The following SAMD4A variants were observed in gnomAD, a reference collection of about 807,000 sequenced individuals.
SAMD4A encodes sterile alpha motif domain containing 4A.
A neutral mutation model predicts 81.3 loss-of-function variants in SAMD4A; 33 were observed. The ratio of observed to expected loss-of-function variants is 0.41; its 90% CI spans 0.31 to 0.54. The LOEUF (loss-of-function observed/expected upper bound fraction) is 0.54. SAMD4A is among the 20% of genes least tolerant of loss of function. The pLI, the probability that SAMD4A is intolerant of heterozygous loss-of-function variation, is 0.37. For missense variants in SAMD4A, 854 were observed against 951.1 expected, an observed-to-expected ratio of 0.90 and a Z score of 1.34; for synonymous variants, 389 against 382.1, an observed-to-expected ratio of 1.02 and a Z score of -0.21.
intron 3 of SAMD4A, among the ~76,000 whole-genome samples, chr14:54,727,372 T>C (rs2037451144): frequency 6.6e-6 from 1 of 151,790 alleles, no homozygotes. Flanking sequence ...GTATTTTTAG[T>C]AGAGACAGGG....
At chr14:54,640,175 T>A (rs1272662653) in intron 2 of SAMD4A, among the ~76,000 whole-genome samples, 1 of 152,156 alleles carries the variant, frequency 6.6e-6, no homozygotes, top group East Asian at 1.9e-4. Context: ...GCCTTTACTC[T>A]TTCCCCAGAA....
intron 6 of SAMD4A, chr14:54,754,787 A>T: frequency 3.0e-6 from 3 of 984,314 alleles, no homozygotes; most frequent in Non-Finnish European, 3.6e-6. Context: ...GTTAGTTCAT[A>T]ATCAGTGGTG....
At chr14:54,656,044 T>C (rs145096866) in intron 2 of SAMD4A, among the ~76,000 whole-genome samples, 158 of 152,322 alleles carry the variant, frequency 1.0e-3, no homozygotes, top group Non-Finnish European at 2.9e-4. Flanking sequence ...AATATTAACA[T>C]GTAATGTTAA....
intron 2 of SAMD4A, among the ~76,000 whole-genome samples, chr14:54,696,676 C>T (rs2036585888): frequency 1.3e-5 from 2 of 152,224 alleles, no homozygotes; most frequent in Non-Finnish European, 2.9e-5. Flanking sequence ...CTCTTTGTCA[C>T]TCCAAAAATC....
chr14:54,666,822 T>C (rs1214121723), intron 2 of SAMD4A, among the ~76,000 whole-genome samples: 1 of 152,042 alleles, frequency 6.6e-6, no homozygotes, highest in Non-Finnish European at 1.5e-5. Flanking sequence ...TACCCCCAAA[T>C]GTTGGAGGAA....
At chr14:54,625,160 CAGG>C (rs563011653) in intron 2 of SAMD4A, among the ~76,000 whole-genome samples, 120 of 152,218 alleles carry the variant, frequency 7.9e-4, no homozygotes, top group Non-Finnish European at 1.6e-3. Flanking sequence ...AAAAGGTTTT[CAGG>C]AGATTAGGCA....
intron 2 of SAMD4A, among the ~76,000 whole-genome samples, chr14:54,663,367 G>C (rs2035685785): frequency 2.0e-5 from 3 of 152,172 alleles, no homozygotes; most frequent in Admixed American, 6.5e-5. Context: ...GCGGTCTAAA[G>C]TACTGAACCA....
At chr14:54,608,730 T>C (rs575136323) in intron 2 of SAMD4A, among the ~76,000 whole-genome samples, 34 of 152,338 alleles carry the variant, frequency 2.2e-4, no homozygotes, top group African/African-American at 7.7e-4. Flanking sequence ...AACTGTGTAT[T>C]TTTAGTGGAA....
At chr14:54,604,235 A>T (rs2034138867) in intron 2 of SAMD4A, among the ~76,000 whole-genome samples, 1 of 152,216 alleles carries the variant, frequency 6.6e-6, no homozygotes, top group African/African-American at 2.4e-5. Flanking sequence ...TGGTGTTTCA[A>T]GGTGCTGGAA....
intron 2 of SAMD4A, among the ~76,000 whole-genome samples, chr14:54,615,715 A>G (rs1429760221): frequency 6.6e-6 from 1 of 152,322 alleles, no homozygotes; most frequent in East Asian, 1.9e-4. Flanking sequence ...CATTTACTCA[A>G]TGTTCTCTAT....
At chr14:54,669,437 G>C (rs1046078266) in intron 2 of SAMD4A, among the ~76,000 whole-genome samples, 2 of 141,562 alleles carry the variant, frequency 1.4e-5, no homozygotes, top group Non-Finnish European at 3.0e-5. Flanking sequence ...TAGAAGCAAC[G>C]CTTCTTTCTT....
intron 2 of SAMD4A, among the ~76,000 whole-genome samples, chr14:54,643,026 G>T (rs1357246090): frequency 6.6e-6 from 1 of 152,190 alleles, no homozygotes; most frequent in African/African-American, 2.4e-5. Flanking sequence ...ATTCAGCTCC[G>T]TCTTTGCTTC....
At chr14:54,762,858 CTTT>C (rs35747854) in intron 7 of SAMD4A, among the ~76,000 whole-genome samples, 2 of 142,306 alleles carry the variant, frequency 1.4e-5, no homozygotes, top group Non-Finnish European at 3.1e-5. Context: ...TGAATATTCA[CTTT>C]TTTTTTTTTT....
At position 54,702,421 on chromosome 14, in the gene SAMD4A, A is replaced by C. The variant is rs886738178; in HGVS notation, c.556A>C (p.Lys186Gln). The C allele has an allele frequency of 1.2e-6, 2 of 1,614,186 alleles. No homozygotes were observed. Among genetic ancestry groups the C allele is most frequent in the African/African-American group, 2.7e-5 (2 of 75,068 alleles). ...TCACCAAAGACAGAACTCTGATGAC[A>C]AGCTCAATGGGTGGCAGAACTCTCG... is the stretch of plus-strand genomic sequence containing the variant. ...YYHQRQNSDDKLNGWQNSRDS... is the reference protein window; with the variant it reads ...YYHQRQNSDDQLNGWQNSRDS... Residue 186 changes from lysine (K) to glutamine (Q), a missense_variant, in exon 3 of 13, where the codon AAG becomes CAG. By Grantham distance (53) the Lys-to-Gln change is moderately conservative. Transcript: ENST00000554335.
intron 7 of SAMD4A, among the ~76,000 whole-genome samples, chr14:54,762,664 C>A (rs1023936854): frequency 6.6e-6 from 1 of 152,138 alleles, no homozygotes; most frequent in Non-Finnish European, 1.5e-5. Flanking sequence ...TTACATTTTA[C>A]CTACGTTAAA....
intron 3 of SAMD4A, among the ~76,000 whole-genome samples, chr14:54,713,029 C>T (rs1301311584): frequency 6.6e-6 from 1 of 152,116 alleles, no homozygotes; most frequent in East Asian, 1.9e-4. Context: ...TCTGTTATTT[C>T]ACAAGATTTA....
chr14:54,756,770 A>C (rs553885362), intron 6 of SAMD4A, among the ~76,000 whole-genome samples: 3 of 152,208 alleles, frequency 2.0e-5, no homozygotes, highest in African/African-American at 7.2e-5. Flanking sequence ...GCTTGTTGTC[A>C]TATGCCCAGG....
intron 2 of SAMD4A, among the ~76,000 whole-genome samples, chr14:54,586,630 G>A (rs1056421378): frequency 1.2e-4 from 18 of 151,976 alleles, no homozygotes; most frequent in Admixed American, 6.6e-4. Flanking sequence ...ATCCAGTTTC[G>A]TTTTTCTACA....
intron 2 of SAMD4A, among the ~76,000 whole-genome samples, chr14:54,679,447 C>T (rs1473293295): frequency 1.3e-5 from 2 of 152,192 alleles, no homozygotes; most frequent in Non-Finnish European, 2.9e-5. Context: ...CAACCAAGAA[C>T]GTGTAAGCAT....
Sources: gnomAD v4.1 joint callset for allele counts (sites outside exome capture counted in the v4.1 genomes callset) on GRCh38, gnomAD v4.1.1 for gene constraint, MANE v1.5 for transcripts, NCBI Gene and HGNC (gene_info 2026-07-23, HGNC 2026-07-21) for gene names.